Variants in ZNF16 observed in about 807,000 individuals in gnomAD.
ZNF16 encodes the protein zinc finger protein KOX9.
A neutral mutation model predicts 9.0 loss-of-function variants in ZNF16; 7 were observed. The observed-to-expected ratio is 0.78, with a 90% CI of 0.44 to 1.47. The LOEUF (loss-of-function observed/expected upper bound fraction) is 1.47, where lower values mean the gene tolerates loss of function less well. Among genes scored for constraint, ZNF16 ranks in the 40% most tolerant of loss-of-function variants. The probability of loss-of-function intolerance (pLI) is 0.01; values close to 1 mark genes in which losing one functional copy is unlikely to be tolerated. For synonymous variants in ZNF16, 312 were observed against 301.5 expected (o/e 1.03, Z -0.36); for missense variants, 830 against 854.2 (o/e 0.97, Z 0.35).
At position 144,945,962 on chromosome 8, in the gene ZNF16, A is replaced by G. The variant is rs78395833; in HGVS notation, c.196+49T>C. 2.7e-3 allele frequency: 4,378 copies of G among 1,606,636 alleles called. 116 individuals are homozygous for G. The African/African-American group carries it at 0.051, about 19-fold the overall frequency. ...GGGGTAAGCACAGGGTTCCATGGAC[A>G]TCACTTCCCCAGAATAAGGGCACCA... is the stretch of plus-strand genomic sequence containing the variant. On this transcript the variant is annotated intron_variant, in intron 2 of 2. Transcript: ENST00000394909.
At chr8:144,934,077 T>C (rs1194573867) in intron 2 of ZNF16, among the ~76,000 whole-genome samples, 1 of 152,210 alleles carries the variant, frequency 6.6e-6, no homozygotes, top group Non-Finnish European at 1.5e-5. Context: ...GAATCTGCCA[T>C]AACAGCATTC....
intron 2 of ZNF16, chr8:144,944,722 G>A (rs1190669971): frequency 6.6e-6 from 1 of 152,196 alleles, no homozygotes; most frequent in Non-Finnish European, 1.5e-5. Context: ...ATATTAAAAT[G>A]TGGTATCCCC....
rs11306065 is a variant in ZNF16, at chr8:144,935,208, A to AT, written c.197-2619dup. Among the ~76,000 whole-genome samples, 462 of 150,900 alleles carry AT rather than the reference A, an allele frequency of 3.1e-3. 10 individuals carry two copies. Among genetic ancestry groups the AT allele is most frequent in the East Asian group, 0.014 (73 of 5,122 alleles). ...AAAATTTTATTTTCCTTTAAGAAAA[A>AT]TTTTTTTTTTGGAGACAGAGTTTGG... On this transcript the variant is annotated intron_variant, in intron 2 of 2. Transcript: ENST00000394909.
intron 1 of ZNF16, among the ~76,000 whole-genome samples, chr8:144,946,735 TGGGCCATACCCTTCTGTGGGCCTGTAC>T (rs1243559114): frequency 9.1e-5 from 8 of 87,744 alleles, no homozygotes; most frequent in Non-Finnish European, 1.8e-4. Flanking sequence ...TACCCTGCTG[TGGGCCATACCCTTCTGTGGGCCTGTAC>T]CCTGCTGTGG....
chr8:144,950,582 C>A (rs905982919), intron 1 of ZNF16: 1 of 152,028 alleles, frequency 6.6e-6, no homozygotes, highest in African/African-American at 2.4e-5. Context: ...CCGGAGGCAG[C>A]CCCCAGAGGC....
rs1474987638 is a variant in ZNF16, at chr8:144,934,274, G to A, written c.197-1684C>T. 2.0e-5 allele frequency among the ~76,000 whole-genome samples: 3 copies of A among 152,218 alleles called. No homozygotes were observed. In the East Asian group the frequency reaches 5.8e-4, roughly 29 times the overall value. ...CTGTGGTGCAGACACATCGTGCTGT[G>A]CCACTTTCAGCCAGAACACCCTCTT... On this transcript the variant is annotated intron_variant, in intron 2 of 2. Coordinates refer to ENST00000394909, the MANE Select transcript of ZNF16 (RefSeq NM_006958.3).
In ZNF16 at chr8:144,932,296, A is replaced by G. The variant is rs1586948329; in HGVS notation, c.491T>C (p.Leu164Pro). The G allele has an allele frequency of 6.2e-7, 1 of 1,614,188 alleles. No homozygotes were observed. The highest frequency in any genetic ancestry group is 2.2e-5 in the East Asian group (1 of 44,870). The change falls in exon 3 of 3, where the codon CTG becomes CCG. Residue 164 changes from leucine (L) to proline (P), a missense_variant. Coordinates refer to ENST00000394909, the MANE Select transcript of ZNF16 (RefSeq NM_006958.3). This position sits in a 1 kb window ranked among gnomAD's most constrained non-coding sequence, Gnocchi z 5.0. The stretch of plus-strand genomic sequence containing the variant: ...CTGACATGCCATCAGGTTTGGGCTC[A>G]GACTGAAGCGACTGTCAAAACCATT... ...DCNGFDSRFS[L>P]SPNLMACQEI...
At chr8:144,949,957 G>T (rs1183737468) in intron 1 of ZNF16, among the ~76,000 whole-genome samples, 1 of 152,160 alleles carries the variant, frequency 6.6e-6, no homozygotes, top group East Asian at 1.9e-4. Context: ...TCTCCTGCCT[G>T]CCCCTGGGAA....
intron 2 of ZNF16, among the ~76,000 whole-genome samples, chr8:144,940,399 C>G (rs1475743969): frequency 2.0e-5 from 3 of 152,152 alleles, no homozygotes; most frequent in Non-Finnish European, 2.9e-5. Flanking sequence ...ATAAATTTCC[C>G]TTTTGACATT....
chr8:144,937,553 C>T lies in ZNF16; in HGVS notation c.197-4963G>A, dbSNP rs184993954. On this transcript the variant is annotated intron_variant, in intron 2 of 2. Transcript: ENST00000394909. ...TGGTGCCATATCTAGGAATCCACTG[C>T]CAAATCCAAGATTGGGAAGATTTAC... Among the ~76,000 whole-genome samples, 374 of 152,184 alleles carry T rather than the reference C, an allele frequency of 2.5e-3. 1 individual carries two copies. The highest frequency in any genetic ancestry group is 8.6e-3 in the African/African-American group (358 of 41,532).
chr8:144,945,957 T>C (rs780082262), intron 2 of ZNF16, 54 bp downstream of exon 2: 18 of 1,604,828 alleles, frequency 1.1e-5, no homozygotes, highest in Admixed American at 3.3e-5. Flanking sequence ...CAGGGTTCCA[T>C]GGACATCACT....
chr8:144,949,077 A>C (rs1834028174), intron 1 of ZNF16, among the ~76,000 whole-genome samples: 1 of 152,256 alleles, frequency 6.6e-6, no homozygotes, highest in Non-Finnish European at 1.5e-5. Context: ...AACAGCCTGA[A>C]CAAGCTTGGA....
chr8:144,947,620 C>T (rs1456698494), intron 1 of ZNF16, among the ~76,000 whole-genome samples: 3 of 152,326 alleles, frequency 2.0e-5, no homozygotes, highest in Admixed American at 2.0e-4. Context: ...GCAGCACCCA[C>T]AGCAGGTGTT....
rs1833594872 is a variant in ZNF16 at position 144,933,015 on chromosome 8, C to A, written c.197-425G>T. On this transcript the variant is annotated intron_variant, in intron 2 of 2. Transcript: ENST00000394909. This position sits in a 1 kb window ranked among gnomAD's most constrained non-coding sequence, Gnocchi z 5.6. ...TCCCACCTGTACCAGAAAAACGTCT[C>A]ACACCACTCCTTACACTGTTACATA... Among the ~76,000 whole-genome samples, 1 of 152,160 alleles carries A rather than the reference C, an allele frequency of 6.6e-6. No individual in the cohort carries two copies. Among genetic ancestry groups the A allele is most frequent in the Admixed American group, 6.5e-5 (1 of 15,282 alleles).
At chr8:144,937,143 CTTTTTTT>C (rs58306145) in intron 2 of ZNF16, among the ~76,000 whole-genome samples, 21 of 110,968 alleles carry the variant, frequency 1.9e-4, no homozygotes, top group Admixed American at 4.8e-4. Context: ...CTTTCTCTCT[CTTTTTTT>C]TTTTTTTTTT....
intron 1 of ZNF16, 66 bp from the exon 2 acceptor site, chr8:144,946,281 C>T: frequency 7.3e-7 from 1 of 1,375,176 alleles, no homozygotes; most frequent in Non-Finnish European, 9.5e-7. Context: ...ATCCTCCCAT[C>T]AGGCCGGGGT....
Position 144,930,834 on chromosome 8 carries a change from GTGAATCCTC to G in ZNF16, c.1944_1952del (p.Gln648_Ile650del). 6.3e-7 allele frequency: 1 copy of G among 1,594,120 alleles called. No individual in the cohort carries two copies. The highest frequency in any genetic ancestry group is 8.5e-7 in the Non-Finnish European group (1 of 1,170,090). On this transcript the variant is annotated inframe_deletion, in exon 3 of 3. Transcript: ENST00000394909. Reference sequence around the variant, plus strand: ...CACAGTCATAGGGCTTCACCCCAGTGTGAATCCTCTGGTGCTGGATGAGGACCGAACGCT... The same window carrying G: ...CACAGTCATAGGGCTTCACCCCAGTGTGGTGCTGGATGAGGACCGAACGCT...
chr8:144,949,950 C>A (rs1047027734), intron 1 of ZNF16, among the ~76,000 whole-genome samples: 5 of 152,162 alleles, frequency 3.3e-5, no homozygotes, highest in African/African-American at 1.2e-4. Context: ...GCCACTCTCT[C>A]CTGCCTGCCC....
chr8:144,934,908 C>T (rs1028273032), intron 2 of ZNF16, among the ~76,000 whole-genome samples: 77 of 152,206 alleles, frequency 5.1e-4, no homozygotes, highest in African/African-American at 1.8e-3. Flanking sequence ...ACATAAAAAC[C>T]AGCCCACTAG....
Sources: gnomAD v4.1 joint callset for allele counts (sites outside exome capture counted in the v4.1 genomes callset) on GRCh38, gnomAD v4.1.1 for gene constraint, Gnocchi (gnomAD v3.1) non-coding constraint, MANE v1.5 for transcripts, NCBI Gene and HGNC (gene_info 2026-07-23, HGNC 2026-07-21) for gene names.